Variants in USP6NL observed in about 807,000 individuals in gnomAD.
The protein encoded by USP6NL is USP6 N-terminal-like protein.
A neutral mutation model predicts 61.9 loss-of-function variants in USP6NL; 26 were observed. The ratio of observed to expected loss-of-function variants is 0.42; its 90% CI spans 0.31 to 0.58. The LOEUF (loss-of-function observed/expected upper bound fraction) is 0.58. USP6NL is among the 20% of genes least tolerant of loss of function. USP6NL has a pLI of 0.16. For missense variants in USP6NL, 1,114 were observed against 1,034.3 expected (o/e 1.08, Z -1.06); for synonymous variants, 432 against 390.1 (o/e 1.11, Z -1.27).
chr10:11,605,271 G>A (rs928400233), intron 1 of USP6NL, among the ~76,000 whole-genome samples: 3 of 152,080 alleles, frequency 2.0e-5, no homozygotes, highest in African/African-American at 7.2e-5. Context: ...CAGAGTACAG[G>A]ATCCACCAAG....
In USP6NL at chr10:11,463,577, T is replaced by G. The variant is rs536386014; in HGVS notation, c.1351A>C (p.Arg451=). ...KKLKDEADFQ[R]KLPSGPQDSS... ...TCCTGTGGACCCGATGGGAGTTTTC[T>G]TTGAAAATCTGCCTCATCTTTAAGC... is the stretch of plus-strand genomic sequence containing the variant. Residue 451 remains arginine (R), a synonymous_variant, in exon 15 of 15, where the codon AGA becomes CGA. Transcript: ENST00000609104. This position sits in a 1 kb window ranked among gnomAD's most constrained non-coding sequence, Gnocchi z 6.3. The G allele has an allele frequency of 2.3e-5, 37 of 1,614,050 alleles. No homozygotes were observed. The South Asian group carries it at 3.8e-4, about 17-fold the overall frequency.
intron 2 of USP6NL, chr10:11,563,823 T>C (rs1311760959): frequency 1.3e-5 from 2 of 152,152 alleles, no homozygotes; most frequent in African/African-American, 2.4e-5. Context: ...CTCCATCGAC[T>C]CTACACAGAC....
Position 11,562,329 on chromosome 10 carries a change from T to C in USP6NL, c.5-34762A>G, listed in dbSNP as rs1457818814. ...GCTAGCAGCAGCCATGTGACACAGT[T>C]CCGGCTGATGGCTTAAGGAAAAGCT... is the stretch of plus-strand genomic sequence containing the variant. On this transcript the variant is annotated intron_variant, in intron 2 of 14. Coordinates refer to ENST00000609104, the MANE Select transcript of USP6NL (RefSeq NM_014688.5). This position sits in a 1 kb window ranked among gnomAD's most constrained non-coding sequence, Gnocchi z 4.8. The C allele has an allele frequency of 1.0e-6, 1 of 965,202 alleles. No homozygotes were observed. Among genetic ancestry groups the C allele is most frequent in the East Asian group, 1.1e-4 (1 of 8,758 alleles). 59.8% of individuals were successfully genotyped at this position (965,202 alleles called of 1,614,324 possible).
Position 11,591,289 on chromosome 10 carries a change from T to C in USP6NL, c.4+6342A>G, listed in dbSNP as rs1838152008. Among the ~76,000 whole-genome samples the C allele has an allele frequency of 1.3e-5, 2 of 152,140 alleles. No homozygotes were observed. The highest frequency in any genetic ancestry group is 4.8e-5 in the African/African-American group (2 of 41,446). Reference sequence around the variant, plus strand: ...TATAAAGAAGTCATTTGGAGCACACTGGTTTGTGTTGTACTAAAAAAATTT... The same window carrying C: ...TATAAAGAAGTCATTTGGAGCACACCGGTTTGTGTTGTACTAAAAAAATTT... On this transcript the variant is annotated intron_variant, in intron 2 of 14. Coordinates refer to ENST00000609104, the MANE Select transcript of USP6NL (RefSeq NM_014688.5). The surrounding 1 kb of genome is among the most constrained non-coding windows in gnomAD (Gnocchi z 4.7).
Position 11,596,722 on chromosome 10 carries a change from A to G in USP6NL, c.4+909T>C, listed in dbSNP as rs1268625447. 6.6e-6 allele frequency among the ~76,000 whole-genome samples: 1 copy of G among 152,180 alleles called. No homozygotes were observed. Among genetic ancestry groups the G allele is most frequent in the Non-Finnish European group, 1.5e-5 (1 of 68,028 alleles). On this transcript the variant is annotated intron_variant, in intron 2 of 14. Transcript: ENST00000609104. The surrounding 1 kb of genome is among the most constrained non-coding windows in gnomAD (Gnocchi z 4.1). ...CACTACCGAAAAAGTATACCACTGA[A>G]AAGTCAAAAATCAAAGACCGTTCCT...
chr10:11,479,584 T>G (rs1380626047), intron 14 of USP6NL, among the ~76,000 whole-genome samples: 2 of 151,044 alleles, frequency 1.3e-5, no homozygotes, highest in African/African-American at 4.9e-5. Context: ...TTTTTTGGTT[T>G]TTTTTTTTTG....
intron 2 of USP6NL, among the ~76,000 whole-genome samples, chr10:11,551,142 AG>A (rs1239375004): frequency 1.3e-5 from 2 of 152,240 alleles, no homozygotes; most frequent in African/African-American, 4.8e-5. Flanking sequence ...TCTACGCAAA[AG>A]AAACAAAAAC....
chr10:11,580,235 A>C (rs1423364957), intron 2 of USP6NL, among the ~76,000 whole-genome samples: 1 of 152,192 alleles, frequency 6.6e-6, no homozygotes, highest in East Asian at 1.9e-4. Flanking sequence ...TATTTAATAA[A>C]GATTTGGGTA....
intron 2 of USP6NL, chr10:11,573,862 T>C (rs1304065862): frequency 7.7e-6 from 3 of 388,444 alleles, no homozygotes; most frequent in Non-Finnish European, 1.4e-5. Flanking sequence ...AACGAAAGGA[T>C]AGGCTGTATC....
chr10:11,517,415 C>T (rs1835003842), intron 5 of USP6NL, among the ~76,000 whole-genome samples: 1 of 152,228 alleles, frequency 6.6e-6, no homozygotes, highest in Admixed American at 6.5e-5. Context: ...ACTATGGCCC[C>T]ACCAAGCCAC....
Position 11,511,451 on chromosome 10 carries a change from C to T in USP6NL, c.196-1776G>A, listed in dbSNP as rs533804161. The stretch of plus-strand genomic sequence containing the variant: ...AAATTGCCATTTGGTATTTTTTGTT[C>T]TTCTGCACTTTCTCCCCTGACTTCT... On this transcript the variant is annotated intron_variant, in intron 5 of 14. Coordinates refer to ENST00000609104, the MANE Select transcript of USP6NL (RefSeq NM_014688.5). The surrounding 1 kb of genome is among the most constrained non-coding windows in gnomAD (Gnocchi z 4.9). Among the ~76,000 whole-genome samples, 3 of 152,194 alleles carry T rather than the reference C, an allele frequency of 2.0e-5. No individual in the cohort carries two copies. The South Asian group carries it at 6.2e-4, about 32-fold the overall frequency.
intron 2 of USP6NL, among the ~76,000 whole-genome samples, chr10:11,534,508 G>C (rs1043587687): frequency 6.6e-6 from 1 of 152,214 alleles, no homozygotes; most frequent in African/African-American, 2.4e-5. Flanking sequence ...TCTTAGAAGA[G>C]AGTGGATTCT....
intron 2 of USP6NL, among the ~76,000 whole-genome samples, chr10:11,529,725 G>A (rs1835570220): frequency 6.6e-6 from 1 of 152,194 alleles, no homozygotes; most frequent in African/African-American, 2.4e-5. Context: ...CCCTATTTTA[G>A]ACTTACAAGC....
intron 2 of USP6NL, among the ~76,000 whole-genome samples, chr10:11,547,670 A>G (rs1363385614): frequency 6.6e-6 from 1 of 151,868 alleles, no homozygotes. Context: ...CCTCCCGAGT[A>G]GCTGGGACTA....
chr10:11,468,120 A>T lies in USP6NL; in HGVS notation c.1079-4271T>A, dbSNP rs1832557246. Among the ~76,000 whole-genome samples, 1 of 152,224 alleles carries T rather than the reference A, an allele frequency of 6.6e-6. No homozygotes were observed. The highest frequency in any genetic ancestry group is 1.5e-5 in the Non-Finnish European group (1 of 68,046). On this transcript the variant is annotated intron_variant, in intron 14 of 14. Coordinates refer to ENST00000609104, the MANE Select transcript of USP6NL (RefSeq NM_014688.5). This position sits in a 1 kb window ranked among gnomAD's most constrained non-coding sequence, Gnocchi z 4.5. ...GATCACCTTCTTTGCTTTCTGAGTG[A>T]TCAAAAATCCATTTTTAATTAATCC...
intron 10 of USP6NL, among the ~76,000 whole-genome samples, chr10:11,486,573 A>G (rs570837172): frequency 6.6e-6 from 1 of 152,272 alleles, no homozygotes; most frequent in South Asian, 2.1e-4. Flanking sequence ...ATTTTTCTTC[A>G]TGATATTCTA....
chr10:11,534,082 C>T (rs1835751013), intron 2 of USP6NL, among the ~76,000 whole-genome samples: 1 of 151,986 alleles, frequency 6.6e-6, no homozygotes, highest in Non-Finnish European at 1.5e-5. Context: ...TGAACAGATT[C>T]CTCATCCCCC....
At chr10:11,502,702 A>C (rs926683936) in intron 6 of USP6NL, among the ~76,000 whole-genome samples, 1 of 152,218 alleles carries the variant, frequency 6.6e-6, no homozygotes, top group Non-Finnish European at 1.5e-5. Context: ...GCTTTAAGAA[A>C]CTTCGATCAT....
Position 11,495,686 on chromosome 10 carries a change from A to G in USP6NL, c.385-2458T>C, listed in dbSNP as rs1833892218. ...CATTCTATACTTGTTTTATGGATGC[A>G]GTATCTATTTTTCTCTGAAGATATT... On this transcript the variant is annotated intron_variant, in intron 7 of 14. Transcript: ENST00000609104. This position sits in a 1 kb window ranked among gnomAD's most constrained non-coding sequence, Gnocchi z 4.6. Among the ~76,000 whole-genome samples the G allele has an allele frequency of 6.6e-6, 1 of 152,188 alleles. No individual in the cohort carries two copies. Among genetic ancestry groups the G allele is most frequent in the African/African-American group, 2.4e-5 (1 of 41,450 alleles).
Sources: allele counts gnomAD v4.1 joint callset (sites outside exome capture counted in the v4.1 genomes callset), GRCh38; gene constraint gnomAD v4.1.1; non-coding constraint Gnocchi (gnomAD v3.1); transcripts MANE v1.5; gene names NCBI Gene and HGNC (gene_info 2026-07-23, HGNC 2026-07-21).